AGBL1: variants seen among roughly 807,000 people sequenced by gnomAD.
AGBL1 encodes cytosolic carboxypeptidase 4.
A neutral mutation model predicts 118.9 loss-of-function variants in AGBL1; 130 were observed. The ratio of observed to expected loss-of-function variants is 1.09; its 90% CI spans 0.95 to 1.26. The LOEUF (loss-of-function observed/expected upper bound fraction) is 1.26, where lower values mean the gene tolerates loss of function less well. Ranked by LOEUF, AGBL1 falls within the 50% of genes most tolerant of loss-of-function variation. The pLI, the probability that AGBL1 is intolerant of heterozygous loss-of-function variation, is 0.00. For missense variants in AGBL1, 1,584 were observed against 1,298.1 expected (o/e 1.22, Z -3.38); for synonymous variants, 555 against 478.9 (o/e 1.16, Z -2.08).
intron 22 of AGBL1, among the ~76,000 whole-genome samples, chr15:86,900,895 T>C (rs1370112608): frequency 6.6e-6 from 1 of 152,176 alleles, no homozygotes; most frequent in Non-Finnish European, 1.5e-5. Flanking sequence ...ATGCAACACT[T>C]AACAATCTTC....
intron 21 of AGBL1, among the ~76,000 whole-genome samples, chr15:86,634,329 A>C (rs1432218842): frequency 6.6e-6 from 1 of 152,208 alleles, no homozygotes. Flanking sequence ...CGGATAACTG[A>C]TGAAAGAATA....
intron 17 of AGBL1, chr15:86,316,870 T>C (rs926035185): frequency 6.6e-6 from 1 of 152,248 alleles, no homozygotes; most frequent in Non-Finnish European, 1.5e-5. Context: ...TGACTTCCTG[T>C]TTTTCCCTCA....
intron 1 of AGBL1, among the ~76,000 whole-genome samples, chr15:86,127,349 T>C (rs867133811): frequency 2.6e-5 from 4 of 152,246 alleles, no homozygotes; most frequent in Non-Finnish European, 5.9e-5. Flanking sequence ...GTGTAATCAA[T>C]ATCAGAGTCA....
chr15:86,748,900 T>A (rs529932273), intron 22 of AGBL1, among the ~76,000 whole-genome samples: 1 of 152,122 alleles, frequency 6.6e-6, no homozygotes, highest in Admixed American at 6.6e-5. Context: ...CCATGCTCTT[T>A]TGGTTACTGT....
chr15:86,520,240 A>G (rs8040047), intron 18 of AGBL1, among the ~76,000 whole-genome samples: 102,649 of 152,132 alleles, frequency 0.67, 36,422 homozygotes, highest in African/African-American at 0.9. Context: ...ATGTGGATAT[A>G]GTCATGCACA....
chr15:86,506,329 C>A (rs2082976942), intron 18 of AGBL1, among the ~76,000 whole-genome samples: 1 of 151,974 alleles, frequency 6.6e-6, no homozygotes, highest in Non-Finnish European at 1.5e-5. Flanking sequence ...GGACATTTTC[C>A]CCTCACCTTT....
chr15:86,822,167 CT>C (rs1417038105), intron 22 of AGBL1, among the ~76,000 whole-genome samples: 4 of 151,960 alleles, frequency 2.6e-5, no homozygotes, highest in African/African-American at 9.7e-5. Context: ...TTTTTTGCCC[CT>C]GGACTAATTT....
intron 15 of AGBL1, among the ~76,000 whole-genome samples, chr15:86,277,332 G>C (rs958508576): frequency 3.9e-4 from 50 of 129,516 alleles, no homozygotes; most frequent in Non-Finnish European, 8.3e-5. Flanking sequence ...GTGTGTGTGT[G>C]TGTGTGTATG....
At chr15:86,151,587 C>T (rs532935360) in intron 3 of AGBL1, among the ~76,000 whole-genome samples, 1 of 152,182 alleles carries the variant, frequency 6.6e-6, no homozygotes, top group Admixed American at 6.5e-5. Context: ...TGGGAAAAAA[C>T]TGGAAACATT....
chr15:86,268,490 G>A (rs12441637), intron 13 of AGBL1, among the ~76,000 whole-genome samples: 29,673 of 152,058 alleles, frequency 0.2, 3,406 homozygotes, highest in Non-Finnish European at 0.25. Flanking sequence ...CTGCTGGCCC[G>A]GCTCAGGTCT....
intron 22 of AGBL1, among the ~76,000 whole-genome samples, chr15:86,708,069 C>G (rs2086484866): frequency 1.3e-5 from 2 of 152,048 alleles, no homozygotes; most frequent in African/African-American, 4.8e-5. Flanking sequence ...AATTGCCATT[C>G]TTAATATTTT....
intron 17 of AGBL1, among the ~76,000 whole-genome samples, chr15:86,369,844 CAG>C (rs1320504633): frequency 6.6e-6 from 1 of 151,976 alleles, no homozygotes; most frequent in African/African-American, 2.4e-5. Flanking sequence ...CCCCTACCAA[CAG>C]AACAAAAACA....
intron 19 of AGBL1, among the ~76,000 whole-genome samples, chr15:86,524,580 G>A (rs548516735): frequency 5.3e-5 from 8 of 152,110 alleles, no homozygotes; most frequent in African/African-American, 9.7e-5. Context: ...AATATCCTAC[G>A]TGGCTGATCT....
At chr15:86,841,414 T>C (rs1325070423) in intron 22 of AGBL1, among the ~76,000 whole-genome samples, 4 of 152,204 alleles carry the variant, frequency 2.6e-5, no homozygotes, top group East Asian at 1.9e-4. Flanking sequence ...CAGGTAAGAA[T>C]TGCAGAAAAT....
intron 17 of AGBL1, among the ~76,000 whole-genome samples, chr15:86,315,736 G>T (rs1394591342): frequency 8.6e-6 from 1 of 115,798 alleles, no homozygotes; most frequent in South Asian, 2.7e-4. Flanking sequence ...AAAAAAAAAA[G>T]TATATGTAAA....
intron 23 of AGBL1, among the ~76,000 whole-genome samples, chr15:86,943,754 G>A (rs1020022426): frequency 2.0e-5 from 3 of 152,126 alleles, no homozygotes; most frequent in Non-Finnish European, 4.4e-5. Flanking sequence ...ATTTCCCTAT[G>A]CAAGTTTTAG....
At chr15:86,643,312 T>A (rs1256121771) in intron 21 of AGBL1, among the ~76,000 whole-genome samples, 1 of 152,212 alleles carries the variant, frequency 6.6e-6, no homozygotes, top group African/African-American at 2.4e-5. Flanking sequence ...GAAATCTGTT[T>A]TGTAATTTAT....
chr15:86,414,686 C>A (rs1665105487), intron 18 of AGBL1, among the ~76,000 whole-genome samples: 1 of 152,120 alleles, frequency 6.6e-6, no homozygotes, highest in African/African-American at 2.4e-5. Context: ...ATGCCATTTC[C>A]TGAAGTTATT....
chr15:86,258,145 A>G, intron 9 of AGBL1, 114 bp downstream of exon 9: 1 of 1,012,740 alleles, frequency 9.9e-7, no homozygotes, highest in East Asian at 2.4e-5. Context: ...TGACTTTAGT[A>G]CTGCCACTCC....
Sources: gnomAD v4.1 joint callset for allele counts (sites outside exome capture counted in the v4.1 genomes callset) on GRCh38, gnomAD v4.1.1 for gene constraint, MANE v1.5 for transcripts, NCBI Gene and HGNC (gene_info 2026-07-23, HGNC 2026-07-21) for gene names.